Variants in SMYD1 observed in about 807,000 individuals in gnomAD.
SMYD1 encodes SET and MYND domain containing 1, also known as histone-lysine N-methyltransferase SMYD1.
In SMYD1, 49 loss-of-function variants were observed where a neutral mutation model predicts 54.0. The ratio of observed to expected loss-of-function variants is 0.91; its 90% CI spans 0.72 to 1.15. The LOEUF is 1.15. Among genes scored for constraint, SMYD1 ranks in the 50% most tolerant of loss-of-function variants. SMYD1 has a pLI of 0.00. For missense variants in SMYD1, 653 were observed against 639.6 expected (o/e 1.02, Z -0.23); for synonymous variants, 269 against 234.2 (o/e 1.15, Z -1.36).
At chr2:88,073,537 C>T (rs1283065153) in intron 1 of SMYD1, among the ~76,000 whole-genome samples, 1 of 152,200 alleles carries the variant, frequency 6.6e-6, no homozygotes, top group Non-Finnish European at 1.5e-5. Context: ...TTTTGGAGAT[C>T]AAGGGTGTGC....
intron 3 of SMYD1, among the ~76,000 whole-genome samples, chr2:88,089,202 A>G (rs544677122): frequency 1.3e-5 from 2 of 152,306 alleles, no homozygotes; most frequent in South Asian, 4.1e-4. Flanking sequence ...ATCAGTCTTT[A>G]TTCTATTCAG....
chr2:88,103,090 A>G lies in SMYD1; in HGVS notation c.921A>G (p.Gln307=), dbSNP rs776957713. Residue 307 remains glutamine (Q), a synonymous_variant, in exon 7 of 10, where the codon CAA becomes CAG. Coordinates refer to ENST00000419482, the MANE Select transcript of SMYD1 (RefSeq NM_198274.4). ...PSQEVVKEMI[Q]FSKDTLEKID... The stretch of plus-strand genomic sequence containing the variant: ...AGGAAGTGGTGAAGGAGATGATACA[A>G]TTCTCCAAGGATACATTGGAAAAGA... 5 of 1,614,014 alleles carry G rather than the reference A, an allele frequency of 3.1e-6. No homozygotes were observed. Among genetic ancestry groups the G allele is most frequent in the Non-Finnish European group, 4.2e-6 (5 of 1,180,004 alleles).
In SMYD1 at chr2:88,067,921, G is replaced by A; in HGVS notation, c.57G>A (p.Arg19=). The A allele has an allele frequency of 6.2e-7, 1 of 1,614,064 alleles. No homozygotes were observed. Among genetic ancestry groups the A allele is most frequent in the Non-Finnish European group, 8.5e-7 (1 of 1,180,028 alleles). The change falls in exon 1 of 10, where the codon AGG becomes AGA. Residue 19 remains arginine (R), a synonymous_variant. Coordinates refer to ENST00000419482, the MANE Select transcript of SMYD1 (RefSeq NM_198274.4). ...VEVFTAEGKG[R]GLKATKEFWA... ...TCTTCACCGCTGAGGGCAAAGGAAG[G>A]GGTCTGAAGGCCACCAAGGAGTTCT...
intron 5 of SMYD1, 71 bp downstream of exon 5, chr2:88,093,626 A>T: frequency 6.4e-7 from 1 of 1,568,592 alleles, no homozygotes; most frequent in East Asian, 2.2e-5. Flanking sequence ...TGCTGGGGCC[A>T]CCCATTCCCG....
At chr2:88,095,021 G>A (rs1410689674) in intron 5 of SMYD1, among the ~76,000 whole-genome samples, 2 of 152,180 alleles carry the variant, frequency 1.3e-5, no homozygotes, top group African/African-American at 4.8e-5. Flanking sequence ...CTACTATGTT[G>A]AGGACAATTG....
At chr2:88,078,108 G>C (rs145955021) in intron 1 of SMYD1, among the ~76,000 whole-genome samples, 107 of 152,266 alleles carry the variant, frequency 7.0e-4, no homozygotes, top group Non-Finnish European at 1.3e-3. Flanking sequence ...TCTGGCAGCT[G>C]CCTGGAATGA....
rs112558914 is a variant in SMYD1 at position 88,108,403 on chromosome 2, G to T, written c.1178G>T (p.Gly393Val). The part of the protein sequence containing the change: ...KLYHPNNAQL[G>V]MAVMRAGLTN... ...TACCACCCCAACAATGCCCAACTGG[G>T]CATGGCCGTGATGCGGGCAGGGCTG... Residue 393 changes from glycine to valine, a missense_variant, in exon 9 of 10, where the codon GGC (glycine) becomes GTC (valine). Physicochemically the swap from Gly to Val is moderately radical, Grantham distance 109 (BLOSUM62 -3). Transcript: ENST00000419482. 1 of 1,606,512 alleles carries T rather than the reference G, an allele frequency of 6.2e-7. No homozygotes were observed. Among genetic ancestry groups the T allele is most frequent in the East Asian group, 2.2e-5 (1 of 44,490 alleles).
At chr2:88,074,728 C>T (rs192279151) in intron 1 of SMYD1, among the ~76,000 whole-genome samples, 5 of 151,860 alleles carry the variant, frequency 3.3e-5, no homozygotes, top group South Asian at 4.2e-4. Flanking sequence ...GAAAGTGACC[C>T]GGAGATTATG....
chr2:88,080,339 GT>G (rs1674161004), intron 1 of SMYD1, among the ~76,000 whole-genome samples: 1 of 152,132 alleles, frequency 6.6e-6, no homozygotes, highest in South Asian at 2.1e-4. Flanking sequence ...GAAGTGTAAT[GT>G]TTTTGTTTGG....
At chr2:88,070,942 CA>C (rs61024525) in intron 1 of SMYD1, among the ~76,000 whole-genome samples, 7,726 of 59,912 alleles carry the variant, frequency 0.13, 99 homozygotes, top group East Asian at 0.33. Flanking sequence ...GACTATTTCT[CA>C]AAAAAAAAAA....
chr2:88,107,383 A>T (rs566867143), intron 8 of SMYD1, among the ~76,000 whole-genome samples: 1 of 151,418 alleles, frequency 6.6e-6, no homozygotes, highest in East Asian at 1.9e-4. Flanking sequence ...ATGCTAAGGA[A>T]GCCCTGCAAA....
intron 6 of SMYD1, 28 bp downstream of exon 6, chr2:88,096,812 TTGTGTC>T (rs774386697): frequency 1.1e-5 from 17 of 1,598,074 alleles, no homozygotes; most frequent in Non-Finnish European, 1.5e-5. Context: ...GCTGAGGTGT[TTGTGTC>T]TGTCTTCTCC....
rs1674870855 is a variant in SMYD1 at position 88,106,416 on chromosome 2, C to T, written c.1073C>T (p.Ser358Leu). 20 of 1,614,146 alleles carry T rather than the reference C, an allele frequency of 1.2e-5. 1 individual carries two copies. Among genetic ancestry groups the T allele is most frequent in the African/African-American group, 8.0e-5 (6 of 75,026 alleles). The change falls in exon 8 of 10, where the codon TCG becomes TTG. Residue 358 changes from serine to leucine, a missense_variant. Coordinates refer to ENST00000419482, the MANE Select transcript of SMYD1 (RefSeq NM_198274.4). ...ATGCTGCGGATGCTGAGCATTGTTT[C>T]GGAGGTCCTTTCCTACCTCCAGGCC... ...IYMLRMLSIV[S>L]EVLSYLQAFE...
rs111807337 is a variant in SMYD1 at position 88,104,038 on chromosome 2, C to T, written c.981+888C>T. Reference sequence around the variant, plus strand: ...CTGGAGTGCAGTGGCACGATTTCGGCTCACTGCAAGCTCTGCCTCCCAGGT... The same window carrying T: ...CTGGAGTGCAGTGGCACGATTTCGGTTCACTGCAAGCTCTGCCTCCCAGGT... On this transcript the variant is annotated intron_variant, in intron 7 of 9. Transcript: ENST00000419482. Among the ~76,000 whole-genome samples the T allele has an allele frequency of 3.7e-3, 559 of 151,232 alleles. 8 individuals carry two copies. The highest frequency in any genetic ancestry group is 0.013 in the African/African-American group (519 of 41,124).
intron 1 of SMYD1, among the ~76,000 whole-genome samples, chr2:88,077,204 T>G (rs1251767444): frequency 6.6e-6 from 1 of 152,304 alleles, no homozygotes; most frequent in East Asian, 1.9e-4. Flanking sequence ...GAGCAACTAT[T>G]TCCATACAAG....
At chr2:88,072,536 A>G (rs181776838) in intron 1 of SMYD1, among the ~76,000 whole-genome samples, 1 of 152,352 alleles carries the variant, frequency 6.6e-6, no homozygotes, top group Non-Finnish European at 1.5e-5. Context: ...AAAGAAGTTT[A>G]TTTCAGAATG....
chr2:88,106,087 A>T (rs1210592382), intron 7 of SMYD1, among the ~76,000 whole-genome samples: 1 of 151,922 alleles, frequency 6.6e-6, no homozygotes, highest in Non-Finnish European at 1.5e-5. Context: ...TTGATTTTGG[A>T]AACTCCTCGC....
rs1044776404 is a variant in SMYD1, at chr2:88,091,641, G to T, written c.659+499G>T. Among the ~76,000 whole-genome samples the T allele has an allele frequency of 2.0e-5, 3 of 152,118 alleles. 1 individual carries two copies. The highest frequency in any genetic ancestry group is 2.9e-5 in the Non-Finnish European group (2 of 68,020). ...GGGGGCGGATCACTTGAGGTCAGGA[G>T]TTTGAGATCAGCGTGGACAACACAG... On this transcript the variant is annotated intron_variant, in intron 4 of 9. Coordinates refer to ENST00000419482, the MANE Select transcript of SMYD1 (RefSeq NM_198274.4).
intron 3 of SMYD1, among the ~76,000 whole-genome samples, chr2:88,088,484 C>A (rs1404078361): frequency 6.6e-6 from 1 of 152,098 alleles, no homozygotes; most frequent in Non-Finnish European, 1.5e-5. Context: ...TGAAGGAGGA[C>A]AGGAGTTTGA....
Sources: allele counts gnomAD v4.1 joint callset (sites outside exome capture counted in the v4.1 genomes callset), GRCh38; gene constraint gnomAD v4.1.1; transcripts MANE v1.5; gene names NCBI Gene and HGNC (gene_info 2026-07-23, HGNC 2026-07-21).